The following TP53BP2 variants were observed in gnomAD, a reference collection of about 807,000 sequenced individuals.
The protein encoded by TP53BP2 is tumor protein p53 binding protein 2.
Under a neutral mutation model 126.2 loss-of-function variants are expected in TP53BP2, and 62 were observed. That is an observed-to-expected ratio of 0.49 (90% confidence interval 0.40 to 0.61). TP53BP2 has a LOEUF of 0.61. Ranked by LOEUF, TP53BP2 falls within the 20% of genes least tolerant of loss-of-function variation. The pLI, the probability that TP53BP2 is intolerant of heterozygous loss-of-function variation, is 0.00. For synonymous variants in TP53BP2, 485 were observed against 502.9 expected (o/e 0.96, Z 0.48); for missense variants, 1,215 against 1,402.8 (o/e 0.87, Z 2.14).
intron 1 of TP53BP2, among the ~76,000 whole-genome samples, chr1:223,827,345 C>G (rs1035669369): frequency 6.6e-6 from 1 of 152,056 alleles, no homozygotes; most frequent in South Asian, 2.1e-4. Context: ...CAGAAGAGTG[C>G]GGGACACCAG....
intron 2 of TP53BP2, among the ~76,000 whole-genome samples, chr1:223,815,448 C>T (rs1571861965): frequency 1.3e-5 from 2 of 152,128 alleles, no homozygotes; most frequent in Admixed American, 1.3e-4. Context: ...TCTGAGTAGC[C>T]CTTCCACCCA....
rs12075490 is a variant in TP53BP2, at chr1:223,813,606, A to G, written c.289+634T>C. On this transcript the variant is annotated intron_variant, in intron 3 of 17. Transcript: ENST00000343537. The stretch of plus-strand genomic sequence containing the variant: ...CTAGAAACCTTGGGTTTTCTAGACA[A>G]TTGCCTAGAAAAATTTGTCTAGACA... Among the ~76,000 whole-genome samples, 212 of 152,226 alleles carry G rather than the reference A, an allele frequency of 1.4e-3. 1 individual carries two copies. The East Asian group carries it at 0.036, about 26-fold the overall frequency.
Position 223,802,739 on chromosome 1 carries a change from T to A in TP53BP2, c.988A>T (p.Asn330Tyr). 5 of 1,614,038 alleles carry A rather than the reference T, an allele frequency of 3.1e-6. No homozygotes were observed. Among genetic ancestry groups the A allele is most frequent in the Non-Finnish European group, 3.4e-6 (4 of 1,179,976 alleles). Residue 330 changes from asparagine (N) to tyrosine (Y), a missense_variant, in exon 8 of 18, where the codon AAT becomes TAT. Physicochemically the swap from Asn to Tyr is moderately radical, Grantham distance 143 (BLOSUM62 -2). Coordinates refer to ENST00000343537, the MANE Select transcript of TP53BP2 (RefSeq NM_001031685.3). ...KKKAALQQKE[N>Y]LPVSSDGNLP... ...CAAAACGGCCCACTTACTGGTAGAT[T>A]TTCTTTTTGCTGTAGAGCTGCCTTC... is the stretch of plus-strand genomic sequence containing the variant.
At chr1:223,833,558 A>C (rs1325986240) in intron 1 of TP53BP2, among the ~76,000 whole-genome samples, 1 of 152,230 alleles carries the variant, frequency 6.6e-6, no homozygotes, top group Non-Finnish European at 1.5e-5. Flanking sequence ...ACTTTAATTA[A>C]GGAAAAAATC....
At chr1:223,836,033 T>G (rs1663910835) in intron 1 of TP53BP2, among the ~76,000 whole-genome samples, 1 of 152,144 alleles carries the variant, frequency 6.6e-6, no homozygotes, top group Non-Finnish European at 1.5e-5. Context: ...AGAGAAACAC[T>G]GTGTATAAAG....
At position 223,796,004 on chromosome 1, in the gene TP53BP2, G is replaced by C. The variant is rs764504953; in HGVS notation, c.2535C>G (p.Asp845Glu). 10 of 1,614,064 alleles carry C rather than the reference G, an allele frequency of 6.2e-6. No homozygotes were observed. The highest frequency in any genetic ancestry group is 2.2e-5 in the South Asian group (2 of 91,044). ...GLDYEPEGVP[D>E]NSPNLQNNPE... ...GGTTATTCTGGAGATTTGGGCTGTT[G>C]TCTGGGACTCCCTCAGGCTCATAAT... Residue 845 changes from aspartate to glutamate, a missense_variant, in exon 13 of 18, where the codon GAC (aspartate) becomes GAG (glutamate). Transcript: ENST00000343537. This position sits in a 1 kb window ranked among gnomAD's most constrained non-coding sequence, Gnocchi z 4.2.
chr1:223,829,379 C>G (rs1185575520), intron 1 of TP53BP2, among the ~76,000 whole-genome samples: 1 of 151,972 alleles, frequency 6.6e-6, no homozygotes, highest in East Asian at 1.9e-4. Flanking sequence ...AATGGAAATT[C>G]AGAAATGAAA....
rs772990714 is a variant in TP53BP2, at chr1:223,806,954, G to A, written c.373-7C>T. The A allele has an allele frequency of 3.8e-6, 6 of 1,599,506 alleles. No individual in the cohort carries two copies. The African/African-American group carries it at 4.0e-5, about 11-fold the overall frequency. ...CCATCCTAGGACTATTAACCTACAA[G>A]TAAAAACACAAATAAACACAATCCC... is the stretch of plus-strand genomic sequence containing the variant. On this transcript the variant is annotated splice_polypyrimidine_tract_variant and splice_region_variant and intron_variant, in intron 4 of 17. Transcript: ENST00000343537.
In TP53BP2 at chr1:223,821,357, G is replaced by GT; in HGVS notation, c.37dup (p.Thr13AsnfsTer6). 6.2e-7 allele frequency: 1 copy of GT among 1,614,020 alleles called. No individual in the cohort carries two copies. The highest frequency in any genetic ancestry group is 8.5e-7 in the Non-Finnish European group (1 of 1,179,880). On this transcript the variant is annotated frameshift_variant, in exon 2 of 18. Transcript: ENST00000343537. LOFTEE classifies it high-confidence loss of function. Reference sequence around the variant, plus strand: ...CTGCTCATTGTTACTGAGATACACGGTAAGAAACATCTAAAAATTAAGAGA... The same window carrying GT: ...CTGCTCATTGTTACTGAGATACACGGTTAAGAAACATCTAAAAATTAAGAGA...
chr1:223,842,024 C>G (rs1008111984), intron 1 of TP53BP2, among the ~76,000 whole-genome samples: 1 of 151,928 alleles, frequency 6.6e-6, no homozygotes, highest in Non-Finnish European at 1.5e-5. Flanking sequence ...TCACTGCAAC[C>G]TCCGCCTCTA....
At position 223,814,325 on chromosome 1, in the gene TP53BP2, C is replaced by T. The variant is rs1211180780; in HGVS notation, c.204G>A (p.Met68Ile). 1.2e-6 allele frequency: 2 copies of T among 1,613,734 alleles called. No homozygotes were observed. The highest frequency in any genetic ancestry group is 1.7e-6 in the Non-Finnish European group (2 of 1,179,674). Residue 68 changes from methionine (M) to isoleucine (I), a missense_variant, in exon 3 of 18, where the codon ATG (methionine) becomes ATA (isoleucine). Physicochemically the swap from Met to Ile is conservative, Grantham distance 10. Around this residue, in one of 4 missense-constraint regions of TP53BP2, gnomAD observed 814 missense variants for 853.0 expected, o/e 0.95. Coordinates refer to ENST00000343537, the MANE Select transcript of TP53BP2 (RefSeq NM_001031685.3). ...SERPVADNERMFDVLQRFGSQ... is the reference protein window; with the variant it reads ...SERPVADNERIFDVLQRFGSQ... ...TTCCAAATCGTTGAAGAACATCAAACATTCGCTCATTATCCGCAACTGGAC... is the reference window on the plus strand; with the variant it reads ...TTCCAAATCGTTGAAGAACATCAAATATTCGCTCATTATCCGCAACTGGAC...
At chr1:223,815,879 T>C (rs957022316) in intron 2 of TP53BP2, among the ~76,000 whole-genome samples, 7 of 152,230 alleles carry the variant, frequency 4.6e-5, no homozygotes, top group Non-Finnish European at 2.9e-5. Flanking sequence ...GTTTGTAGCC[T>C]AGGAGCAAAA....
chr1:223,833,124 A>T (rs1356903652), intron 1 of TP53BP2, among the ~76,000 whole-genome samples: 1 of 152,232 alleles, frequency 6.6e-6, no homozygotes, highest in African/African-American at 2.4e-5. Context: ...TGGAGCCATT[A>T]AACTGCTTTT....
chr1:223,810,432 C>T lies in TP53BP2; in HGVS notation c.371G>A (p.Gly124Asp). 6.2e-7 allele frequency: 1 copy of T among 1,605,960 alleles called. No homozygotes were observed. The highest frequency in any genetic ancestry group is 1.7e-5 in the Admixed American group (1 of 59,168). The change falls in exon 4 of 18, where the codon GGT (glycine) becomes GAT (aspartate). Residue 124 changes from glycine (G) to aspartate (D), a missense_variant and splice_region_variant. Around this residue, in one of 4 missense-constraint regions of TP53BP2, gnomAD observed 814 missense variants for 853.0 expected, o/e 0.95. Coordinates refer to ENST00000343537, the MANE Select transcript of TP53BP2 (RefSeq NM_001031685.3). ...GTATGGATAAAAACAACAACTTACACCGTTCTCCTTTCTTCGATATTCACC... is the reference window on the plus strand; with the variant it reads ...GTATGGATAAAAACAACAACTTACATCGTTCTCCTTTCTTCGATATTCACC... ...VPGEYRRKENGVNSPRMDLTL... is the reference protein window; with the variant it reads ...VPGEYRRKENDVNSPRMDLTL...
At chr1:223,797,425 GT>G (rs926457964) in intron 12 of TP53BP2, among the ~76,000 whole-genome samples, 23 of 146,146 alleles carry the variant, frequency 1.6e-4, no homozygotes, top group East Asian at 4.0e-4. Context: ...ACGTATGTAT[GT>G]TTTTTTTTTT....
In TP53BP2 at chr1:223,810,245, T is replaced by C. The variant is rs140426727; in HGVS notation, c.372+186A>G. Among the ~76,000 whole-genome samples, 239 of 152,342 alleles carry C rather than the reference T, an allele frequency of 1.6e-3. 2 individuals carry two copies. Among genetic ancestry groups the C allele is most frequent in the African/African-American group, 4.7e-3 (195 of 41,578 alleles). On this transcript the variant is annotated intron_variant, in intron 4 of 17. Coordinates refer to ENST00000343537, the MANE Select transcript of TP53BP2 (RefSeq NM_001031685.3). ...ATTTGTGTCACATTAAACATACAACTTCTTCCAATAGTCAGCCATATACAG... is the reference window on the plus strand; with the variant it reads ...ATTTGTGTCACATTAAACATACAACCTCTTCCAATAGTCAGCCATATACAG...
chr1:223,825,777 G>A (rs1663474785), intron 1 of TP53BP2: 1 of 152,210 alleles, frequency 6.6e-6, no homozygotes, highest in Admixed American at 6.5e-5. Flanking sequence ...CTGTTAGAAG[G>A]ACACAGCCAG....
chr1:223,804,808 A>T (rs1054946223), intron 5 of TP53BP2, among the ~76,000 whole-genome samples: 2 of 152,214 alleles, frequency 1.3e-5, no homozygotes, highest in Non-Finnish European at 2.9e-5. Context: ...ATGCAAGTCT[A>T]TGTTTCTTCA....
At chr1:223,831,308 G>A (rs1165074649) in intron 1 of TP53BP2, among the ~76,000 whole-genome samples, 36 of 148,464 alleles carry the variant, frequency 2.4e-4, no homozygotes, top group African/African-American at 8.9e-4. Context: ...CGAGGTGGGA[G>A]GATCACTTGA....
Sources: gnomAD v4.1 joint callset for allele counts (sites outside exome capture counted in the v4.1 genomes callset) on GRCh38, gnomAD v4.1.1 for gene constraint, gnomAD v4.1.1 regional missense constraint, Gnocchi (gnomAD v3.1) non-coding constraint, MANE v1.5 for transcripts, NCBI Gene and HGNC (gene_info 2026-07-23, HGNC 2026-07-21) for gene names.